Variants in TMEM38B observed in about 807,000 individuals in gnomAD.
TMEM38B encodes transmembrane protein 38B, also known as trimeric intracellular cation channel type B.
In TMEM38B, 24 loss-of-function variants were observed where a neutral mutation model predicts 28.7. That is an observed-to-expected ratio of 0.84 (90% CI 0.61 to 1.18). TMEM38B has a LOEUF of 1.18. TMEM38B is among the 50% of genes most tolerant of loss of function. The pLI, the probability that TMEM38B is intolerant of heterozygous loss-of-function variation, is 0.00. For synonymous variants in TMEM38B, 131 were observed against 127.7 expected, an observed-to-expected ratio of 1.03 and a Z score of -0.17; for missense variants, 380 against 350.9, an observed-to-expected ratio of 1.08 and a Z score of -0.66.
At chr9:105,718,665 A>T (rs1166955948) in intron 2 of TMEM38B, among the ~76,000 whole-genome samples, 1 of 152,244 alleles carries the variant, frequency 6.6e-6, no homozygotes, top group East Asian at 1.9e-4. Flanking sequence ...TGGCAAAGAG[A>T]AACAATAACT....
chr9:105,750,913 T>C (rs1198613003), intron 5 of TMEM38B, among the ~76,000 whole-genome samples: 1 of 152,220 alleles, frequency 6.6e-6, no homozygotes, highest in East Asian at 1.9e-4. Context: ...CTTTGTGAAT[T>C]GCCTTTACAA....
At position 105,770,492 on chromosome 9, in the gene TMEM38B, C is replaced by T. The variant is rs528523255; in HGVS notation, c.661-3373C>T. On this transcript the variant is annotated intron_variant, in intron 5 of 5. Transcript: ENST00000374692. ...ATTCATTGATGCATTGAATATTATT[C>T]CACACTTAAAGATATATACCAGAAA... Among the ~76,000 whole-genome samples, 9 of 152,068 alleles carry T rather than the reference C, an allele frequency of 5.9e-5. No homozygotes were observed. In the South Asian group the frequency reaches 1.9e-3, roughly 32 times the overall value.
intron 1 of TMEM38B, among the ~76,000 whole-genome samples, chr9:105,705,283 G>A (rs1214241349): frequency 6.6e-6 from 1 of 152,154 alleles, no homozygotes; most frequent in African/African-American, 2.4e-5. Context: ...TAGGGTTTGG[G>A]ATGGAAGGAG....
chr9:105,725,529 G>A (rs951498114), intron 4 of TMEM38B, among the ~76,000 whole-genome samples: 5 of 151,990 alleles, frequency 3.3e-5, no homozygotes, highest in African/African-American at 9.7e-5. Flanking sequence ...TCATCATTAT[G>A]TGAATGTTAT....
intron 4 of TMEM38B, among the ~76,000 whole-genome samples, chr9:105,738,514 G>A (rs1347860003): frequency 1.3e-5 from 2 of 151,654 alleles, no homozygotes; most frequent in Non-Finnish European, 2.9e-5. Flanking sequence ...TGTTTGTTTT[G>A]GTGTGGGGGG....
chr9:105,703,235 A>G (rs1471762589), intron 1 of TMEM38B, among the ~76,000 whole-genome samples: 1 of 152,242 alleles, frequency 6.6e-6, no homozygotes, highest in Non-Finnish European at 1.5e-5. Flanking sequence ...CTGTAATCCC[A>G]GCACTTTGGG....
Position 105,694,551 on chromosome 9 carries a change from C to G in TMEM38B, c.-110C>G, listed in dbSNP as rs1184097203. 4 of 703,722 alleles carry G rather than the reference C, an allele frequency of 5.7e-6. No individual in the cohort carries two copies. The highest frequency in any genetic ancestry group is 8.9e-6 in the Non-Finnish European group (4 of 450,678). The allele number at this position is 703,722 out of a possible 1,614,324, so 43.6% of individuals were successfully genotyped here. ...CCAGGGCGCACGCGCGGAGCTGGAG[C>G]CGGCGCGGAGGAGCGGGCGGCCGCG... On this transcript the variant is annotated 5_prime_UTR_variant, in exon 1 of 6. Transcript: ENST00000374692.
At position 105,722,605 on chromosome 9, in the gene TMEM38B, T is replaced by C. The variant is rs538936774; in HGVS notation, c.526T>C (p.Trp176Arg). Reference protein sequence around the residue: ...KGDWKPEGDEWLKMSYPAKVT... With the variant: ...KGDWKPEGDERLKMSYPAKVT... ...AGATTGGAAACCAGAAGGTGATGAA[T>C]GGCTGAAGATGTCATAGTAAGTTGG... Residue 176 changes from tryptophan (W) to arginine (R), a missense_variant, in exon 4 of 6, where the codon TGG (tryptophan) becomes CGG (arginine). By Grantham distance (101) the Trp-to-Arg change is moderately radical. Coordinates refer to ENST00000374692, the MANE Select transcript of TMEM38B (RefSeq NM_018112.3). 56 of 1,613,484 alleles carry C rather than the reference T, an allele frequency of 3.5e-5. No homozygotes were observed. The South Asian group carries it at 5.8e-4, about 17-fold the overall frequency.
At chr9:105,739,887 CT>C (rs549791682) in intron 4 of TMEM38B, among the ~76,000 whole-genome samples, 4 of 150,846 alleles carry the variant, frequency 2.7e-5, no homozygotes, top group African/African-American at 4.9e-5. Context: ...TCTTTTTAAA[CT>C]TTTTTTTTGT....
chr9:105,763,719 T>A (rs1282759991), intron 5 of TMEM38B, among the ~76,000 whole-genome samples: 1 of 152,182 alleles, frequency 6.6e-6, no homozygotes, highest in South Asian at 2.1e-4. Context: ...GAATCCTCCC[T>A]TACTCATTTT....
At chr9:105,725,945 A>G (rs904084039) in intron 4 of TMEM38B, among the ~76,000 whole-genome samples, 34 of 152,284 alleles carry the variant, frequency 2.2e-4, no homozygotes, top group Admixed American at 2.2e-3. Flanking sequence ...ACCTTAGCTT[A>G]CTGTAACTTT....
chr9:105,703,482 G>A (rs982269620), intron 1 of TMEM38B, among the ~76,000 whole-genome samples: 8 of 152,180 alleles, frequency 5.3e-5, no homozygotes, highest in South Asian at 2.1e-4. Flanking sequence ...AGTCTTTGCT[G>A]TTGTGAATAA....
intron 5 of TMEM38B, among the ~76,000 whole-genome samples, chr9:105,754,359 A>T (rs1325204401): frequency 6.6e-6 from 1 of 152,236 alleles, no homozygotes; most frequent in Non-Finnish European, 1.5e-5. Context: ...CACAGCACTT[A>T]ATATAAAACT....
chr9:105,715,664 C>G (rs1227247534), intron 2 of TMEM38B, among the ~76,000 whole-genome samples: 1 of 151,630 alleles, frequency 6.6e-6, no homozygotes, highest in East Asian at 1.9e-4. Flanking sequence ...TTATGTTTCT[C>G]TTTGTGTTTT....
chr9:105,744,852 C>G (rs1242532307), intron 4 of TMEM38B, among the ~76,000 whole-genome samples: 4 of 151,992 alleles, frequency 2.6e-5, no homozygotes, highest in Admixed American at 1.3e-4. Context: ...TTTTTTGGTC[C>G]TTGCGATAGT....
Position 105,694,563 on chromosome 9 carries a change from A to C in TMEM38B, c.-98A>C. On this transcript the variant is annotated 5_prime_UTR_variant, in exon 1 of 6. Coordinates refer to ENST00000374692, the MANE Select transcript of TMEM38B (RefSeq NM_018112.3). ...CGCGGAGCTGGAGCCGGCGCGGAGG[A>C]GCGGGCGGCCGCGGCTGTGCCCTCT... 1.2e-6 allele frequency: 1 copy of C among 829,458 alleles called. No homozygotes were observed. Among genetic ancestry groups the C allele is most frequent in the East Asian group, 3.2e-5 (1 of 31,644 alleles). 51.4% of individuals were successfully genotyped at this position (829,458 alleles called of 1,614,324 possible).
At chr9:105,747,393 G>A (rs1837451406) in intron 4 of TMEM38B, among the ~76,000 whole-genome samples, 1 of 152,188 alleles carries the variant, frequency 6.6e-6, no homozygotes, top group Non-Finnish European at 1.5e-5. Flanking sequence ...TCTGATGGTA[G>A]TTTGTATTTC....
chr9:105,727,621 A>C (rs1836562695), intron 4 of TMEM38B, among the ~76,000 whole-genome samples: 2 of 152,198 alleles, frequency 1.3e-5, no homozygotes, highest in Non-Finnish European at 2.9e-5. Flanking sequence ...TTAGTATTTT[A>C]GAAGATTTAG....
intron 2 of TMEM38B, among the ~76,000 whole-genome samples, chr9:105,708,536 A>G (rs1835765238): frequency 6.6e-6 from 1 of 152,122 alleles, no homozygotes; most frequent in Non-Finnish European, 1.5e-5. Context: ...AACTTTTACC[A>G]TGGCCTGTAA....
Sources: gnomAD v4.1 joint callset for allele counts (sites outside exome capture counted in the v4.1 genomes callset) on GRCh38, gnomAD v4.1.1 for gene constraint, MANE v1.5 for transcripts, NCBI Gene and HGNC (gene_info 2026-07-23, HGNC 2026-07-21) for gene names.